The following PTPRD variants were observed in gnomAD, a reference collection of about 807,000 sequenced individuals.
PTPRD encodes the protein protein tyrosine phosphatase receptor type D.
Under a neutral mutation model 214.5 loss-of-function variants are expected in PTPRD, and 34 were observed. The observed-to-expected ratio is 0.16, with a 90% confidence interval of 0.12 to 0.21. The LOEUF is 0.21. PTPRD is among the 10% of genes least tolerant of loss of function. The probability of loss-of-function intolerance (pLI) is 1.00; values close to 1 mark genes in which losing one functional copy is unlikely to be tolerated. For synonymous variants in PTPRD, 1,128 were observed against 845.7 expected, an observed-to-expected ratio of 1.33 and a Z score of -5.79; for missense variants, 2,545 against 2,398.7, an observed-to-expected ratio of 1.06 and a Z score of -1.27.
chr9:10,049,404 AAAAAAAGAAAG>A (rs2097479994), intron 3 of PTPRD, among the ~76,000 whole-genome samples: 1 of 109,366 alleles, frequency 9.1e-6, no homozygotes, highest in Non-Finnish European at 1.8e-5. Flanking sequence ...TGGTTAAAAA[AAAAAAAGAAAG>A]AAAGAAAGAA....
chr9:9,517,427 A>G (rs964751333), intron 8 of PTPRD, among the ~76,000 whole-genome samples: 1 of 152,130 alleles, frequency 6.6e-6, no homozygotes, highest in Non-Finnish European at 1.5e-5. Flanking sequence ...CTAGGCAAAA[A>G]CACTGAGACG....
chr9:9,947,373 A>T (rs10978124), intron 4 of PTPRD, among the ~76,000 whole-genome samples: 21 of 57,530 alleles, frequency 3.7e-4, no homozygotes, highest in Non-Finnish European at 5.2e-4. Context: ...TTATATATAT[A>T]TTATATATAT....
At chr9:9,915,969 A>G (rs1277057850) in intron 5 of PTPRD, among the ~76,000 whole-genome samples, 1 of 152,074 alleles carries the variant, frequency 6.6e-6, no homozygotes, top group African/African-American at 2.4e-5. Flanking sequence ...GCTGGAAAAG[A>G]AAAACATTAA....
Position 8,639,223 on chromosome 9 carries a change from AAT to A in PTPRD, c.65-2381_65-2380del, listed in dbSNP as rs578049417. Among the ~76,000 whole-genome samples the A allele has an allele frequency of 4.6e-5, 7 of 152,236 alleles. No homozygotes were observed. In the South Asian group the frequency reaches 1.4e-3, roughly 31 times the overall value. ...GTCACTTTTCTGGAAACAAATGAAA[AAT>A]ATATTACAAGTTTTTATATTTATCT... On this transcript the variant is annotated intron_variant, in intron 12 of 45. Transcript: ENST00000381196.
At chr9:8,866,130 C>A (rs1430154244) in intron 11 of PTPRD, among the ~76,000 whole-genome samples, 1 of 152,168 alleles carries the variant, frequency 6.6e-6, no homozygotes, top group Non-Finnish European at 1.5e-5. Context: ...TTTCAAAACT[C>A]ATTGGCCACA....
chr9:8,558,921 C>T (rs928645948), intron 14 of PTPRD, among the ~76,000 whole-genome samples: 4 of 152,106 alleles, frequency 2.6e-5, no homozygotes, highest in African/African-American at 9.7e-5. Flanking sequence ...ATATATTCAT[C>T]AGAACTTATC....
chr9:8,975,315 C>T (rs2099262343), intron 11 of PTPRD, among the ~76,000 whole-genome samples: 1 of 151,906 alleles, frequency 6.6e-6, no homozygotes, highest in Admixed American at 6.6e-5. Context: ...GTTTCAAGAA[C>T]ATTTCTATGT....
chr9:8,780,418 C>G (rs975646646), intron 11 of PTPRD, among the ~76,000 whole-genome samples: 3 of 152,134 alleles, frequency 2.0e-5, no homozygotes, highest in African/African-American at 7.2e-5. Flanking sequence ...AACTTTGTTA[C>G]TAGACTCAGG....
intron 12 of PTPRD, among the ~76,000 whole-genome samples, chr9:8,664,215 T>A (rs1338550538): frequency 2.0e-5 from 3 of 152,204 alleles, no homozygotes; most frequent in African/African-American, 7.2e-5. Context: ...AAGATTCATA[T>A]CAGAATCTTC....
chr9:9,021,729 G>C (rs1297143767), intron 10 of PTPRD, among the ~76,000 whole-genome samples: 2 of 151,872 alleles, frequency 1.3e-5, no homozygotes, highest in African/African-American at 4.8e-5. Flanking sequence ...AGACTAATGT[G>C]TGTGTTTGTG....
chr9:10,334,573 G>A (rs192664229), intron 3 of PTPRD, among the ~76,000 whole-genome samples: 17 of 151,580 alleles, frequency 1.1e-4, no homozygotes, highest in African/African-American at 2.7e-4. Context: ...ATAATATTAC[G>A]AGAAAAGGAA....
At chr9:10,066,172 T>C (rs2154174569) in intron 3 of PTPRD, among the ~76,000 whole-genome samples, 1 of 151,982 alleles carries the variant, frequency 6.6e-6, no homozygotes, top group African/African-American at 2.4e-5. Context: ...GCAACAATTT[T>C]GGCACAGGCA....
intron 11 of PTPRD, among the ~76,000 whole-genome samples, chr9:8,923,214 G>C (rs1466182718): frequency 6.6e-6 from 1 of 151,434 alleles, no homozygotes; most frequent in Non-Finnish European, 1.5e-5. Context: ...GCTAATTTTT[G>C]TATTTTTAGT....
At chr9:10,101,046 A>G (rs561326086) in intron 3 of PTPRD, among the ~76,000 whole-genome samples, 6 of 151,816 alleles carry the variant, frequency 4.0e-5, no homozygotes, top group Admixed American at 2.0e-4. Context: ...ATTTGTTTCT[A>G]GACAGCCTGG....
At chr9:10,309,505 A>T (rs925160076) in intron 3 of PTPRD, among the ~76,000 whole-genome samples, 3 of 146,602 alleles carry the variant, frequency 2.0e-5, no homozygotes, top group Non-Finnish European at 3.0e-5. Context: ...GGCATGCACC[A>T]CCACATCCAG....
intron 6 of PTPRD, among the ~76,000 whole-genome samples, chr9:9,741,052 C>G (rs2098394395): frequency 1.3e-5 from 2 of 152,060 alleles, no homozygotes; most frequent in African/African-American, 4.8e-5. Flanking sequence ...GAAGATAAGG[C>G]AAAGAAGATT....
In PTPRD at chr9:9,751,325, A is replaced by G. The variant is rs536454338; in HGVS notation, c.-326+15485T>C. On this transcript the variant is annotated intron_variant, in intron 6 of 45. Transcript: ENST00000381196. ...TTGGAGACACTAAGAATTAACTCCA[A>G]CAAGTGGATATGAAGTCCAACTTCA... is the stretch of plus-strand genomic sequence containing the variant. Among the ~76,000 whole-genome samples the G allele has an allele frequency of 1.2e-4, 18 of 152,212 alleles. No homozygotes were observed. The East Asian group carries it at 3.5e-3, about 29-fold the overall frequency.
intron 9 of PTPRD, among the ~76,000 whole-genome samples, chr9:9,211,798 G>C (rs1050564471): frequency 6.7e-6 from 1 of 148,328 alleles, no homozygotes; most frequent in African/African-American, 2.5e-5. Context: ...CTAAGAAACT[G>C]GTACTATTTT....
chr9:9,092,125 AT>A (rs1345417773), intron 10 of PTPRD, among the ~76,000 whole-genome samples: 4 of 152,192 alleles, frequency 2.6e-5, no homozygotes, highest in Non-Finnish European at 5.9e-5. Context: ...TAGGCTCACT[AT>A]TGTTACCAAC....
Sources: allele counts gnomAD v4.1 joint callset (sites outside exome capture counted in the v4.1 genomes callset), GRCh38; gene constraint gnomAD v4.1.1; transcripts MANE v1.5; gene names NCBI Gene and HGNC (gene_info 2026-07-23, HGNC 2026-07-21).